The following SARS2 variants were observed in gnomAD, a reference collection of about 807,000 sequenced individuals.
SARS2 encodes the protein seryl-tRNA synthetase 2, mitochondrial.
SARS2 carries 52 observed loss-of-function variants against 66.8 expected under a neutral mutation model. The ratio of observed to expected loss-of-function variants is 0.78; its 90% CI spans 0.62 to 0.98. The LOEUF is 0.98. Ranked by LOEUF, SARS2 falls within the 50% of genes least tolerant of loss-of-function variation. SARS2 has a pLI of 0.00. For missense variants in SARS2, 673 were observed against 706.3 expected, an observed-to-expected ratio of 0.95 and a Z score of 0.53; for synonymous variants, 306 against 281.4, an observed-to-expected ratio of 1.09 and a Z score of -0.87.
chr19:38,921,461 C>T lies in SARS2; in HGVS notation c.535-15G>A, dbSNP rs886054428. ...TCCCCGACGGGCTGCAGGGAGACAG[C>T]AGGAGTCACGGAAAGGTGGCACTAG... On this transcript the variant is annotated splice_polypyrimidine_tract_variant and intron_variant, in intron 4 of 15. Transcript: ENST00000221431. The T allele has an allele frequency of 1.9e-6, 3 of 1,613,996 alleles. No individual in the cohort carries two copies. Among genetic ancestry groups the T allele is most frequent in the African/African-American group, 2.7e-5 (2 of 74,930 alleles).
chr19:38,929,452 A>C (rs1974690962), intron 1 of SARS2, among the ~76,000 whole-genome samples: 1 of 151,338 alleles, frequency 6.6e-6, no homozygotes, highest in South Asian at 2.1e-4. Flanking sequence ...GCTACACGGG[A>C]GGCTGAGTGG....
chr19:38,917,873 T>C (rs1476975771), intron 11 of SARS2, 40 bp from the exon 12 acceptor site: 2 of 1,610,764 alleles, frequency 1.2e-6, no homozygotes. Context: ...CTCTGAGCTC[T>C]TGGGGTGGCC....
intron 12 of SARS2, among the ~76,000 whole-genome samples, chr19:38,917,164 T>C (rs1293408438): frequency 6.6e-6 from 1 of 152,048 alleles, no homozygotes; most frequent in Non-Finnish European, 1.5e-5. Flanking sequence ...CTCGCTGTGT[T>C]GCCCAGGCTG....
chr19:38,927,394 C>T (rs1454060880), intron 1 of SARS2, among the ~76,000 whole-genome samples: 1 of 151,454 alleles, frequency 6.6e-6, no homozygotes, highest in East Asian at 2.0e-4. Flanking sequence ...CATGGAGAAA[C>T]CCTGTCTCTA....
In SARS2 at chr19:38,930,548, G is replaced by A. The variant is rs763335001; in HGVS notation, c.189C>T (p.Phe63=). The change falls in exon 1 of 16, where the codon TTC becomes TTT. Residue 63 remains phenylalanine, a synonymous_variant. Transcript: ENST00000221431. ...GTGCGGCCTCTTCTGGGCATGCGCA[G>A]AACCGCTCTATGTCCAGCTGAGGGA... The part of the protein sequence containing the change: ...SALPQLDIER[F]CACPEEAAHA... 1 of 1,613,770 alleles carries A rather than the reference G, an allele frequency of 6.2e-7. No homozygotes were observed. The highest frequency in any genetic ancestry group is 8.5e-7 in the Non-Finnish European group (1 of 1,180,010).
Position 38,916,664 on chromosome 19 carries a change from G to GTTT in SARS2, c.1161-353_1161-351dup, listed in dbSNP as rs71165593. On this transcript the variant is annotated intron_variant, in intron 12 of 15. Transcript: ENST00000221431. ...CATTTGCACCTTCTAGGCACCCTCG[G>GTTT]TTTTTTTTTTTTTTTTGAGACGGAG... Among the ~76,000 whole-genome samples, 17 of 133,816 alleles carry GTTT rather than the reference G, an allele frequency of 1.3e-4. No individual in the cohort carries two copies. In the East Asian group the frequency reaches 1.8e-3, roughly 14 times the overall value. The allele number at this position is 133,816 out of a possible 152,430, so 87.8% of individuals were successfully genotyped here.
chr19:38,923,214 G>GTT (rs1285075055), intron 2 of SARS2, among the ~76,000 whole-genome samples: 60 of 96,136 alleles, frequency 6.2e-4, no homozygotes, highest in Non-Finnish European at 9.3e-4. Flanking sequence ...CTGATCTCAG[G>GTT]TTTTCTTTTT....
intron 2 of SARS2, among the ~76,000 whole-genome samples, chr19:38,925,671 A>T (rs935347657): frequency 6.6e-6 from 1 of 152,214 alleles, no homozygotes; most frequent in African/African-American, 2.4e-5. Flanking sequence ...AACTGAGGAA[A>T]GATCAGTGCA....
Position 38,930,494 on chromosome 19 carries a change from C to T in SARS2, c.243G>A (p.Leu81=). The T allele has an allele frequency of 6.2e-7, 1 of 1,604,304 alleles. No homozygotes were observed. Among genetic ancestry groups the T allele is most frequent in the South Asian group, 1.1e-5 (1 of 90,994 alleles). The part of the protein sequence containing the change: ...AHALELRKGE[L]RSADLPAIIS... Reference sequence around the variant, plus strand: ...CGATCGCGGGCAGGTCCGCCGAGCGCAGCTCCCCCTTGCGGAGCTCCAGGG... The same window carrying T: ...CGATCGCGGGCAGGTCCGCCGAGCGTAGCTCCCCCTTGCGGAGCTCCAGGG... The change falls in exon 1 of 16, where the codon CTG becomes CTA. Residue 81 remains leucine (L), a synonymous_variant. Coordinates refer to ENST00000221431, the MANE Select transcript of SARS2 (RefSeq NM_017827.4).
intron 3 of SARS2, 60 bp downstream of exon 3, chr19:38,922,178 G>A: frequency 6.2e-7 from 1 of 1,601,608 alleles, no homozygotes; most frequent in South Asian, 1.1e-5. Context: ...AATCGTGACT[G>A]GCAGGGTATC....
At chr19:38,918,222 T>G in intron 9 of SARS2, 83 bp from the exon 10 acceptor site, 1 of 1,432,482 alleles carries the variant, frequency 7.0e-7, no homozygotes, top group African/African-American at 1.4e-5. Context: ...CTCCCTCTGG[T>G]GGATGCAACC....
intron 1 of SARS2, among the ~76,000 whole-genome samples, chr19:38,929,080 G>C (rs564943090): frequency 1.3e-5 from 2 of 152,042 alleles, no homozygotes; most frequent in East Asian, 3.9e-4. Context: ...ATGCAGATGT[G>C]GTGGCATGTG....
chr19:38,926,333 C>T, intron 1 of SARS2, 33 bp from the exon 2 acceptor site: 3 of 1,585,688 alleles, frequency 1.9e-6, no homozygotes, highest in Non-Finnish European at 2.6e-6. Context: ...GGAGATGAAG[C>T]AGCCATCACC....
intron 14 of SARS2, 54 bp downstream of exon 14, chr19:38,915,983 G>A (rs2144760053): frequency 6.2e-7 from 1 of 1,612,486 alleles, no homozygotes; most frequent in South Asian, 1.1e-5. Flanking sequence ...GTGGGTCTAG[G>A]GCGGCAGAGG....
At chr19:38,920,906 G>GAT (rs1456329415) in intron 5 of SARS2, among the ~76,000 whole-genome samples, 1 of 146,410 alleles carries the variant, frequency 6.8e-6, no homozygotes, top group Admixed American at 6.8e-5. Context: ...CACAAACACA[G>GAT]ATATACACAC....
chr19:38,926,112 G>C (rs559123387), intron 2 of SARS2, 93 bp downstream of exon 2: 30 of 1,083,468 alleles, frequency 2.8e-5, no homozygotes, highest in Non-Finnish European at 4.1e-5. Flanking sequence ...CACCGTGCCA[G>C]CCTGTTCAAG....
rs1440635981 is a variant in SARS2, at chr19:38,915,502, A to G, written c.*104T>C. On this transcript the variant is annotated 3_prime_UTR_variant, in exon 16 of 16. Transcript: ENST00000221431. ...GCCCGGGCGTGGAGCTGACAGGAAG[A>G]ACACAGATGTCAGGACGGGCTCAGC... 5 of 1,407,492 alleles carry G rather than the reference A, an allele frequency of 3.6e-6. No homozygotes were observed. Among genetic ancestry groups the G allele is most frequent in the Non-Finnish European group, 4.9e-6 (5 of 1,021,376 alleles). 87.2% of individuals were successfully genotyped at this position (1,407,492 alleles called of 1,614,324 possible).
intron 2 of SARS2, 141 bp downstream of exon 2, chr19:38,926,064 C>A: frequency 2.7e-6 from 2 of 736,816 alleles, no homozygotes; most frequent in Middle Eastern, 2.3e-4. Flanking sequence ...GATCCACCAA[C>A]CTAGGCCTCC....
Position 38,930,759 on chromosome 19 carries a change from A to C in SARS2, c.-23T>G. The stretch of plus-strand genomic sequence containing the variant: ...CATCTTGGACCGGGAACAAGGCGGC[A>C]CTTCGTCCCGCCCACTCCGCGTTTA... On this transcript the variant is annotated 5_prime_UTR_variant, in exon 1 of 16. Coordinates refer to ENST00000221431, the MANE Select transcript of SARS2 (RefSeq NM_017827.4). 1 of 1,609,800 alleles carries C rather than the reference A, an allele frequency of 6.2e-7. No individual in the cohort carries two copies. Among genetic ancestry groups the C allele is most frequent in the Non-Finnish European group, 8.5e-7 (1 of 1,179,924 alleles).
Sources: allele counts gnomAD v4.1 joint callset (sites outside exome capture counted in the v4.1 genomes callset), GRCh38; gene constraint gnomAD v4.1.1; transcripts MANE v1.5; gene names NCBI Gene and HGNC (gene_info 2026-07-23, HGNC 2026-07-21).